ULK4: variants seen among roughly 807,000 people sequenced by gnomAD.
The protein encoded by ULK4 is unc-51 like kinase 4, also known as inactive serine/threonine-protein kinase ULK4.
A neutral mutation model predicts 160.6 loss-of-function variants in ULK4; 133 were observed. The ratio of observed to expected loss-of-function variants is 0.83; its 90% CI spans 0.72 to 0.96. The LOEUF (loss-of-function observed/expected upper bound fraction) is 0.96, where lower values mean the gene tolerates loss of function less well. ULK4 is among the 40% of genes least tolerant of loss of function. The probability of loss-of-function intolerance (pLI) is 0.00; values close to 1 mark genes in which losing one functional copy is unlikely to be tolerated. For missense variants in ULK4, 1,580 were observed against 1,499.5 expected (o/e 1.05, Z -0.89); for synonymous variants, 534 against 539.8 (o/e 0.99, Z 0.15).
chr3:41,878,892 T>C (rs1036032156), intron 17 of ULK4, among the ~76,000 whole-genome samples: 1 of 141,694 alleles, frequency 7.1e-6, no homozygotes, highest in African/African-American at 2.5e-5. Flanking sequence ...AAATTCCTAT[T>C]TCCCCAAGCC....
chr3:41,775,896 T>C (rs898475065), intron 21 of ULK4, among the ~76,000 whole-genome samples: 1 of 151,016 alleles, frequency 6.6e-6, no homozygotes, highest in South Asian at 2.1e-4. Flanking sequence ...ACCACAAGGA[T>C]ATAAGTTTAA....
chr3:41,856,588 C>CACATATATATATATGTGTATATATATAA (rs2042364044), intron 17 of ULK4, among the ~76,000 whole-genome samples: 1 of 71,904 alleles, frequency 1.4e-5, no homozygotes, highest in African/African-American at 4.8e-5. Flanking sequence ...TATATATATA[C>CACATATATATATATGTGTATATATATAA]ACATATATAT....
At chr3:41,480,079 C>T (rs945023427) in intron 32 of ULK4, among the ~76,000 whole-genome samples, 3 of 151,702 alleles carry the variant, frequency 2.0e-5, no homozygotes, top group East Asian at 1.9e-4. Flanking sequence ...TGGTGGCGGG[C>T]GCCTGTAGTC....
intron 32 of ULK4, 147 bp from the exon 33 acceptor site, chr3:41,463,400 GT>G: frequency 1.3e-6 from 1 of 760,032 alleles, no homozygotes; most frequent in Non-Finnish European, 2.0e-6. Flanking sequence ...ACTGAGGAAA[GT>G]TGTTTAAAAT....
chr3:41,799,546 C>A (rs2040395732), intron 20 of ULK4, among the ~76,000 whole-genome samples: 1 of 152,150 alleles, frequency 6.6e-6, no homozygotes, highest in African/African-American at 2.4e-5. Flanking sequence ...TATACTGCCA[C>A]AGTTTTCTAC....
chr3:41,865,271 T>TAAAAAAAA (rs55741060), intron 17 of ULK4, among the ~76,000 whole-genome samples: 11 of 29,900 alleles, frequency 3.7e-4, no homozygotes, highest in African/African-American at 9.5e-4. Context: ...ACTCTGTCTT[T>TAAAAAAAA]AAAAAAAAAA....
intron 30 of ULK4, among the ~76,000 whole-genome samples, chr3:41,641,324 T>C (rs1031452593): frequency 3.9e-5 from 6 of 152,174 alleles, no homozygotes; most frequent in African/African-American, 9.7e-5. Flanking sequence ...ACTGTGCATA[T>C]TAGTAGGGGC....
chr3:41,498,278 T>G (rs966418681), intron 32 of ULK4, among the ~76,000 whole-genome samples: 1 of 152,180 alleles, frequency 6.6e-6, no homozygotes, highest in African/African-American at 2.4e-5. Flanking sequence ...TGTTTGGGAA[T>G]TAAGGAACAT....
Position 41,754,388 on chromosome 3 carries a change from T to C in ULK4, c.2294A>G (p.Glu765Gly). ...TGCTTGGCAACTGAGCAGCAACATC[T>C]CACGGTTATAAATCAAAATATATAG... ...VLLYILIYNR[E>G]MLLLSCQARL... The change falls in exon 22 of 37, where the codon GAG (glutamate) becomes GGG (glycine). Residue 765 changes from glutamate (E) to glycine (G), a missense_variant. Physicochemically the swap from Glu to Gly is moderately conservative, Grantham distance 98. Transcript: ENST00000301831. 6.2e-7 allele frequency: 1 copy of C among 1,612,532 alleles called. No homozygotes were observed. The highest frequency in any genetic ancestry group is 8.5e-7 in the Non-Finnish European group (1 of 1,179,502).
At chr3:41,917,288 G>A (rs1336281163) in intron 7 of ULK4, among the ~76,000 whole-genome samples, 6 of 151,872 alleles carry the variant, frequency 4.0e-5, no homozygotes, top group Non-Finnish European at 7.4e-5. Flanking sequence ...CGGATCACTC[G>A]AGGCCAGGAG....
rs574945629 is a variant in ULK4 at position 41,480,034 on chromosome 3, T to C, written c.3227-16781A>G. On this transcript the variant is annotated intron_variant, in intron 32 of 36. Coordinates refer to ENST00000301831, the MANE Select transcript of ULK4 (RefSeq NM_017886.4). ...CATCCTGGCTAACACGATGAAACCT[T>C]GTCTCTACTAAAAATACAAAAAATT... Among the ~76,000 whole-genome samples, 12 of 151,880 alleles carry C rather than the reference T, an allele frequency of 7.9e-5. No homozygotes were observed. In the South Asian group the frequency reaches 2.3e-3, roughly 29 times the overall value.
chr3:41,596,310 G>A (rs1305809291), intron 31 of ULK4, among the ~76,000 whole-genome samples: 1 of 152,166 alleles, frequency 6.6e-6, no homozygotes, highest in African/African-American at 2.4e-5. Flanking sequence ...AAACCAGTTG[G>A]TATAATTGTG....
rs958426434 is a variant in ULK4 at position 41,856,936 on chromosome 3, A to G, written c.1657-20965T>C. 2.6e-5 allele frequency among the ~76,000 whole-genome samples: 4 copies of G among 152,002 alleles called. No individual in the cohort carries two copies. The East Asian group carries it at 7.7e-4, about 29-fold the overall frequency. ...ACAAAACAAAACAAAAGACTAAGCC[A>G]ATTAGTCTTCTAATTGCTTCTCTTC... On this transcript the variant is annotated intron_variant, in intron 17 of 36. Coordinates refer to ENST00000301831, the MANE Select transcript of ULK4 (RefSeq NM_017886.4).
At chr3:41,542,399 T>A (rs1054443242) in intron 32 of ULK4, among the ~76,000 whole-genome samples, 4 of 152,222 alleles carry the variant, frequency 2.6e-5, no homozygotes, top group Admixed American at 1.3e-4. Context: ...TTCGATAAGC[T>A]TTTTGATGTG....
intron 30 of ULK4, among the ~76,000 whole-genome samples, chr3:41,644,027 G>T (rs1191606109): frequency 1.1e-4 from 17 of 152,016 alleles, no homozygotes; most frequent in Admixed American, 2.6e-4. Flanking sequence ...GCTTGTGATT[G>T]TTGTATATTG....
chr3:41,466,050 G>A (rs1319658675), intron 32 of ULK4, among the ~76,000 whole-genome samples: 2 of 152,080 alleles, frequency 1.3e-5, no homozygotes, highest in Non-Finnish European at 2.9e-5. Context: ...TATATTATGG[G>A]TTTCAATTGA....
chr3:41,675,112 C>T (rs1037128613), intron 29 of ULK4, among the ~76,000 whole-genome samples: 28 of 151,476 alleles, frequency 1.8e-4, no homozygotes, highest in Middle Eastern at 3.4e-3. Flanking sequence ...TGGTGGTGCA[C>T]GCCTGTAGTC....
intron 17 of ULK4, among the ~76,000 whole-genome samples, chr3:41,865,777 T>C (rs1696834633): frequency 6.6e-6 from 1 of 152,074 alleles, no homozygotes; most frequent in Admixed American, 6.6e-5. Flanking sequence ...TAACTCCCTA[T>C]ACAAAATTAA....
intron 35 of ULK4, among the ~76,000 whole-genome samples, chr3:41,274,789 T>C (rs2079201641): frequency 6.6e-6 from 1 of 152,226 alleles, no homozygotes; most frequent in African/African-American, 2.4e-5. Flanking sequence ...CAATTTGATA[T>C]TGCTCCAATT....
Sources: gnomAD v4.1 joint callset for allele counts (sites outside exome capture counted in the v4.1 genomes callset) on GRCh38, gnomAD v4.1.1 for gene constraint, MANE v1.5 for transcripts, NCBI Gene and HGNC (gene_info 2026-07-23, HGNC 2026-07-21) for gene names.